CTSC: variants seen among roughly 807,000 people sequenced by gnomAD.
CTSC encodes dipeptidyl peptidase 1.
In CTSC, 37 loss-of-function variants were observed where a neutral mutation model predicts 40.9. That is an observed-to-expected ratio of 0.91 (90% CI 0.70 to 1.19). The LOEUF is 1.19. CTSC is among the 50% of genes most tolerant of loss of function. CTSC has a pLI of 0.00. For synonymous variants in CTSC, 232 were observed against 207.4 expected (o/e 1.12, Z -1.02); for missense variants, 594 against 567.3 (o/e 1.05, Z -0.48).
At chr11:88,304,014 G>C (rs531031481) in intron 4 of CTSC, among the ~76,000 whole-genome samples, 1 of 152,112 alleles carries the variant, frequency 6.6e-6, no homozygotes, top group South Asian at 2.1e-4. Context: ...TGGGAGTTAT[G>C]AGCCAGGAAC....
At chr11:88,308,632 T>A (rs950999281) in intron 4 of CTSC, among the ~76,000 whole-genome samples, 4 of 151,756 alleles carry the variant, frequency 2.6e-5, no homozygotes, top group Non-Finnish European at 4.4e-5. Flanking sequence ...CAACTCCCTG[T>A]GATTTCACCC....
intron 2 of CTSC, among the ~76,000 whole-genome samples, chr11:88,334,201 C>G (rs1222911938): frequency 6.6e-6 from 1 of 152,188 alleles, no homozygotes; most frequent in Non-Finnish European, 1.5e-5. Context: ...GCTTATGTAT[C>G]CAATTTACTT....
At chr11:88,310,545 T>C (rs1449042771) in intron 3 of CTSC, among the ~76,000 whole-genome samples, 3 of 152,196 alleles carry the variant, frequency 2.0e-5, no homozygotes, top group Non-Finnish European at 4.4e-5. Context: ...CTTTCCCTTA[T>C]AAATCATGTG....
At chr11:88,307,641 T>G (rs1315743467) in intron 4 of CTSC, among the ~76,000 whole-genome samples, 1 of 150,844 alleles carries the variant, frequency 6.6e-6, no homozygotes, top group Admixed American at 6.7e-5. Context: ...AATTTTACAG[T>G]TACTGTAGGC....
chr11:88,302,498 T>C lies in CTSC; in HGVS notation c.642-1853A>G, dbSNP rs532408574. On this transcript the variant is annotated intron_variant, in intron 4 of 6. Coordinates refer to ENST00000227266, the MANE Select transcript of CTSC (RefSeq NM_001814.6). ...AAAATTAGCTGGGCGTGGTGGCGGG[T>C]GCCTGTAGTCCCAGCTACTCGGGAG... Among the ~76,000 whole-genome samples, 87 of 151,454 alleles carry C rather than the reference T, an allele frequency of 5.7e-4. 1 individual carries two copies. The highest frequency in any genetic ancestry group is 1.2e-4 in the Non-Finnish European group (8 of 67,806).
At chr11:88,326,180 C>T in intron 2 of CTSC, 2 of 1,345,804 alleles carry the variant, frequency 1.5e-6, no homozygotes, top group Non-Finnish European at 1.9e-6. Context: ...CCTGTGTAGT[C>T]TCTGGTTGTT....
At chr11:88,313,744 C>T (rs575589726) in intron 2 of CTSC, among the ~76,000 whole-genome samples, 1 of 152,178 alleles carries the variant, frequency 6.6e-6, no homozygotes, top group Admixed American at 6.5e-5. Context: ...TTTGTAGAAC[C>T]TTGGGCAAGA....
intron 3 of CTSC, among the ~76,000 whole-genome samples, chr11:88,311,658 C>T (rs1937760445): frequency 6.6e-6 from 1 of 152,292 alleles, no homozygotes; most frequent in South Asian, 2.1e-4. Flanking sequence ...CCCTGTATCA[C>T]AGCCATATGA....
At chr11:88,316,221 G>GGCCTAGACT (rs1282677003) in intron 2 of CTSC, among the ~76,000 whole-genome samples, 2 of 152,162 alleles carry the variant, frequency 1.3e-5, no homozygotes, top group Non-Finnish European at 2.9e-5. Flanking sequence ...AATGCCTTCA[G>GGCCTAGACT]GCCTAGACTG....
chr11:88,308,714 A>G (rs1017040329), intron 4 of CTSC, among the ~76,000 whole-genome samples: 1 of 151,270 alleles, frequency 6.6e-6, no homozygotes, highest in Non-Finnish European at 1.5e-5. Flanking sequence ...GCCTTTGAAA[A>G]ACCCCTACCT....
intron 2 of CTSC, chr11:88,323,634 G>T (rs1938092730): frequency 6.6e-6 from 1 of 152,020 alleles, no homozygotes; most frequent in Admixed American, 6.6e-5. Context: ...CAAAAGGCAA[G>T]CAGAGAGCAA....
chr11:88,303,937 T>A (rs1016223059), intron 4 of CTSC, among the ~76,000 whole-genome samples: 2 of 150,880 alleles, frequency 1.3e-5, no homozygotes, highest in Admixed American at 6.6e-5. Flanking sequence ...AGAGAGAGAC[T>A]CTGTTTTCTG....
At chr11:88,337,138 TA>T (rs1343960923) in intron 1 of CTSC, among the ~76,000 whole-genome samples, 1 of 152,004 alleles carries the variant, frequency 6.6e-6, no homozygotes, top group African/African-American at 2.4e-5. Context: ...AAAATAGTAA[TA>T]AAAAATAAAA....
Position 88,296,280 on chromosome 11 carries a change from A to T in CTSC, c.758-16T>A, listed in dbSNP as rs141107832. The stretch of plus-strand genomic sequence containing the variant: ...CCACAGGATGCTGGCGATGAAAAAA[A>T]GACACATAATCCAAGAGACATCTGA... On this transcript the variant is annotated splice_polypyrimidine_tract_variant and intron_variant, in intron 5 of 6. Coordinates refer to ENST00000227266, the MANE Select transcript of CTSC (RefSeq NM_001814.6). The T allele has an allele frequency of 2.1e-4, 346 of 1,613,370 alleles. 1 individual carries two copies. In the African/African-American group the frequency reaches 3.7e-3, roughly 17 times the overall value.
At chr11:88,335,170 C>T in intron 1 of CTSC, 88 bp from the exon 2 acceptor site, 2 of 895,328 alleles carry the variant, frequency 2.2e-6, no homozygotes, top group Non-Finnish European at 3.6e-6. Flanking sequence ...TTTAATTGTG[C>T]TGCTTTCCTT....
chr11:88,297,810 A>C (rs552136669), intron 5 of CTSC: 1 of 152,352 alleles, frequency 6.6e-6, no homozygotes, highest in East Asian at 1.9e-4. Flanking sequence ...AGAGCCATTT[A>C]TCTCTTAAGA....
At chr11:88,335,780 T>C (rs1428294155) in intron 1 of CTSC, among the ~76,000 whole-genome samples, 1 of 152,184 alleles carries the variant, frequency 6.6e-6, no homozygotes, top group Non-Finnish European at 1.5e-5. Context: ...ATAAAAGGTA[T>C]GACAACAAAA....
At chr11:88,308,669 T>A (rs1164426055) in intron 4 of CTSC, among the ~76,000 whole-genome samples, 1 of 151,454 alleles carries the variant, frequency 6.6e-6, no homozygotes, top group Non-Finnish European at 1.5e-5. Context: ...AGCAAGCATC[T>A]GTTACCTGGC....
rs780737714 is a variant in CTSC, at chr11:88,296,109, T to C, written c.889+24A>G. 3 of 1,612,870 alleles carry C rather than the reference T, an allele frequency of 1.9e-6. No individual in the cohort carries two copies. In the South Asian group the frequency reaches 3.3e-5, roughly 18 times the overall value. ...TGCACACAGGTAAATAGCTCATAAA[T>C]GGTGTCTGAAATGCAACACTTACCT... On this transcript the variant is annotated intron_variant, in intron 6 of 6. Transcript: ENST00000227266.
Sources: allele counts gnomAD v4.1 joint callset (sites outside exome capture counted in the v4.1 genomes callset), GRCh38; gene constraint gnomAD v4.1.1; transcripts MANE v1.5; gene names NCBI Gene and HGNC (gene_info 2026-07-23, HGNC 2026-07-21).